KIAA0825: variants seen among roughly 807,000 people sequenced by gnomAD.
KIAA0825 encodes uncharacterized protein KIAA0825.
A neutral mutation model predicts 147.6 loss-of-function variants in KIAA0825; 119 were observed. The ratio of observed to expected loss-of-function variants is 0.81; its 90% CI spans 0.69 to 0.94. The LOEUF is 0.94. Among genes scored for constraint, KIAA0825 ranks in the 40% least tolerant of loss-of-function variants. The probability of loss-of-function intolerance (pLI) is 0.00; values close to 1 mark genes in which losing one functional copy is unlikely to be tolerated. For synonymous variants in KIAA0825, 470 were observed against 518.1 expected (o/e 0.91, Z 1.26); for missense variants, 1,381 against 1,472.7 (o/e 0.94, Z 1.02).
At chr5:94,240,479 T>C (rs1775291269) in intron 20 of KIAA0825, among the ~76,000 whole-genome samples, 1 of 152,212 alleles carries the variant, frequency 6.6e-6, no homozygotes, top group South Asian at 2.1e-4. Context: ...TGGGCTGACT[T>C]AGTTTAGTTT....
At chr5:94,591,823 G>A (rs1291071979) in intron 1 of KIAA0825, among the ~76,000 whole-genome samples, 1 of 152,180 alleles carries the variant, frequency 6.6e-6, no homozygotes, top group East Asian at 1.9e-4. Flanking sequence ...ATGGCGGAAG[G>A]TGGAGAAGCA....
intron 11 of KIAA0825, among the ~76,000 whole-genome samples, chr5:94,463,077 C>T (rs151230165): frequency 3.3e-5 from 5 of 151,778 alleles, no homozygotes; most frequent in African/African-American, 4.8e-5. Flanking sequence ...AAGCTCAAAT[C>T]GAGAAGCCTA....
At chr5:94,171,340 C>G (rs1768593444) in intron 20 of KIAA0825, among the ~76,000 whole-genome samples, 1 of 152,074 alleles carries the variant, frequency 6.6e-6, no homozygotes, top group Non-Finnish European at 1.5e-5. Flanking sequence ...GCCTCCCCAG[C>G]CTTGTGGAAC....
At chr5:94,297,764 T>C (rs1339557426) in intron 20 of KIAA0825, among the ~76,000 whole-genome samples, 1 of 151,680 alleles carries the variant, frequency 6.6e-6, no homozygotes, top group African/African-American at 2.4e-5. Flanking sequence ...CCCAGCTAAT[T>C]TTTCTATTTT....
intron 5 of KIAA0825, among the ~76,000 whole-genome samples, chr5:94,490,498 T>C (rs1358326802): frequency 1.3e-5 from 2 of 152,082 alleles, no homozygotes; most frequent in Non-Finnish European, 2.9e-5. Flanking sequence ...ATAAAAAGAA[T>C]GATGGGCTGG....
intron 20 of KIAA0825, among the ~76,000 whole-genome samples, chr5:94,169,871 TTA>T: frequency 6.6e-6 from 1 of 152,256 alleles, no homozygotes; most frequent in African/African-American, 2.4e-5. Context: ...CCTCACAATT[TTA>T]TGAGATGGGT....
chr5:94,355,456 C>T (rs191896175), intron 20 of KIAA0825, among the ~76,000 whole-genome samples: 3 of 152,044 alleles, frequency 2.0e-5, no homozygotes, highest in East Asian at 1.9e-4. Context: ...AAGTAAGTCA[C>T]GATATATAGA....
chr5:94,510,250 T>C (rs1766296583), intron 5 of KIAA0825, among the ~76,000 whole-genome samples: 1 of 152,212 alleles, frequency 6.6e-6, no homozygotes, highest in African/African-American at 2.4e-5. Context: ...GTTATGGAAT[T>C]CTAAGTATCA....
intron 5 of KIAA0825, among the ~76,000 whole-genome samples, chr5:94,509,086 C>T (rs977520442): frequency 1.3e-5 from 2 of 152,124 alleles, no homozygotes; most frequent in Non-Finnish European, 2.9e-5. Context: ...TTGAATAGGT[C>T]AGGGAATACT....
At position 94,393,062 on chromosome 5, in the gene KIAA0825, C is replaced by T. The variant is rs547939365; in HGVS notation, c.3297-1368G>A. Among the ~76,000 whole-genome samples, 14 of 152,056 alleles carry T rather than the reference C, an allele frequency of 9.2e-5. No homozygotes were observed. In the South Asian group the frequency reaches 2.5e-3, roughly 27 times the overall value. ...AGGCCTTTTAAACAAAGGAGTATCT[C>T]AGTGTCAGCTCCTGAATTGTATCCT... On this transcript the variant is annotated intron_variant, in intron 17 of 20. Transcript: ENST00000682413.
At chr5:94,264,786 C>CTTTTT (rs1195057688) in intron 20 of KIAA0825, among the ~76,000 whole-genome samples, 1 of 140,562 alleles carries the variant, frequency 7.1e-6, no homozygotes, top group Non-Finnish European at 1.6e-5. Flanking sequence ...CATACACATA[C>CTTTTT]TTTTTTTTTT....
At chr5:94,419,647 T>G (rs536957742) in intron 14 of KIAA0825, among the ~76,000 whole-genome samples, 2 of 152,328 alleles carry the variant, frequency 1.3e-5, no homozygotes, top group South Asian at 4.1e-4. Context: ...AATCAACTGC[T>G]TCCTATGTGT....
intron 2 of KIAA0825, among the ~76,000 whole-genome samples, chr5:94,571,675 G>A (rs1272458995): frequency 6.6e-6 from 1 of 152,126 alleles, no homozygotes; most frequent in Non-Finnish European, 1.5e-5. Flanking sequence ...TTTAAGTCTT[G>A]TTTTCATGTG....
intron 13 of KIAA0825, among the ~76,000 whole-genome samples, chr5:94,451,560 T>G (rs1043213192): frequency 3.3e-5 from 5 of 152,210 alleles, no homozygotes. Flanking sequence ...GGAGATTGAT[T>G]GCTAAACAGA....
chr5:94,152,898 ATATATG>A lies in KIAA0825; in HGVS notation c.*1103_*1108del, dbSNP rs1766695057. The A allele has an allele frequency of 2.5e-5, 1 of 39,356 alleles. No individual in the cohort carries two copies. The highest frequency in any genetic ancestry group is 6.5e-4 in the East Asian group (1 of 1,538). The allele number at this position is 39,356 out of a possible 1,614,324, so 2.4% of individuals were successfully genotyped here. The stretch of plus-strand genomic sequence containing the variant: ...TATATATATATATATATATATATAT[ATATATG>A]GTTTCTCCCAGACGTTCTTAGACTG... On this transcript the variant is annotated 3_prime_UTR_variant, in exon 21 of 21. Transcript: ENST00000682413.
intron 2 of KIAA0825, among the ~76,000 whole-genome samples, chr5:94,577,100 T>C (rs1584943965): frequency 6.6e-6 from 1 of 152,230 alleles, no homozygotes; most frequent in African/African-American, 2.4e-5. Flanking sequence ...TTTTTCCTTT[T>C]TAATACTGCC....
chr5:94,565,389 C>A (rs1778530628), intron 2 of KIAA0825, among the ~76,000 whole-genome samples: 1 of 148,114 alleles, frequency 6.8e-6, no homozygotes, highest in South Asian at 2.1e-4. Context: ...GTTGCCCAGG[C>A]TGGGTGCAGT....
intron 20 of KIAA0825, among the ~76,000 whole-genome samples, chr5:94,304,805 A>T (rs1455194400): frequency 2.6e-5 from 4 of 152,062 alleles, no homozygotes; most frequent in African/African-American, 9.7e-5. Flanking sequence ...TTGCTATGAC[A>T]TTCCAAGTTC....
intron 20 of KIAA0825, among the ~76,000 whole-genome samples, chr5:94,190,757 C>T (rs773361671): frequency 2.6e-5 from 4 of 151,526 alleles, no homozygotes; most frequent in Admixed American, 6.6e-5. Flanking sequence ...ATTGAATTGG[C>T]TGTTTGTGTT....
Sources: gnomAD v4.1 joint callset for allele counts (sites outside exome capture counted in the v4.1 genomes callset) on GRCh38, gnomAD v4.1.1 for gene constraint, MANE v1.5 for transcripts, NCBI Gene and HGNC (gene_info 2026-07-23, HGNC 2026-07-21) for gene names.